TLK2: variants seen among roughly 807,000 people sequenced by gnomAD.
TLK2 encodes the protein tousled like kinase 2.
TLK2 carries 6 observed loss-of-function variants against 117.3 expected under a neutral mutation model. The ratio of observed to expected loss-of-function variants is 0.05; its 90% CI spans 0.03 to 0.10. The LOEUF (loss-of-function observed/expected upper bound fraction) is 0.10, where lower values mean the gene tolerates loss of function less well. Ranked by LOEUF, TLK2 falls within the 10% of genes least tolerant of loss-of-function variation. TLK2 has a pLI of 1.00. For synonymous variants in TLK2, 257 were observed against 316.7 expected (o/e 0.81, Z 2.00); for missense variants, 299 against 901.2 (o/e 0.33, Z 8.56).
chr17:62,521,764 C>T (rs920640355), intron 3 of TLK2, among the ~76,000 whole-genome samples: 1 of 152,018 alleles, frequency 6.6e-6, no homozygotes, highest in Non-Finnish European at 1.5e-5. Context: ...TATAACCTAG[C>T]TGCCTGTAGA....
chr17:62,565,337 A>G (rs796713061), intron 11 of TLK2, among the ~76,000 whole-genome samples, 200 bp downstream of exon 11: 21 of 152,344 alleles, frequency 1.4e-4, no homozygotes, highest in African/African-American at 5.0e-4. Context: ...CAGGAGTACA[A>G]AATGAGTTCC....
chr17:62,607,257 C>G (rs1229124759), intron 20 of TLK2, among the ~76,000 whole-genome samples: 1 of 150,614 alleles, frequency 6.6e-6, no homozygotes, highest in African/African-American at 2.4e-5. Context: ...TGGTGGCTCA[C>G]ACCTGTAATC....
At chr17:62,515,072 ACT>A (rs2075466883) in intron 2 of TLK2, among the ~76,000 whole-genome samples, 1 of 152,042 alleles carries the variant, frequency 6.6e-6, no homozygotes, top group South Asian at 2.1e-4. Context: ...CTACTTTCTG[ACT>A]CTATGAATTT....
intron 15 of TLK2, among the ~76,000 whole-genome samples, chr17:62,584,817 A>T (rs1403898359): frequency 2.0e-5 from 3 of 152,168 alleles, no homozygotes; most frequent in Non-Finnish European, 2.9e-5. Flanking sequence ...ATCCAGAGAA[A>T]CTTAGGTTTA....
At chr17:62,611,825 CCA>C (rs1285144634) in intron 21 of TLK2, 2 of 152,240 alleles carry the variant, frequency 1.3e-5, no homozygotes, top group African/African-American at 4.8e-5. Context: ...GTGTGCAACC[CCA>C]CTCACTGCAT....
intron 9 of TLK2, among the ~76,000 whole-genome samples, chr17:62,558,270 A>G (rs1280135478): frequency 6.6e-6 from 1 of 152,048 alleles, no homozygotes. Context: ...CCCAGGCTCA[A>G]GCAATCCTCA....
At chr17:62,486,022 G>A (rs1306339638) in intron 2 of TLK2, among the ~76,000 whole-genome samples, 3 of 151,692 alleles carry the variant, frequency 2.0e-5, no homozygotes, top group African/African-American at 4.8e-5. Context: ...GGGTTTCACC[G>A]TGTTAGCCAG....
intron 2 of TLK2, among the ~76,000 whole-genome samples, chr17:62,488,820 A>ATTTTT (rs36026309): frequency 1.1e-4 from 11 of 99,766 alleles, no homozygotes; most frequent in African/African-American, 2.8e-4. Flanking sequence ...GGCCTTGAAG[A>ATTTTT]TTTTTTTTTT....
At chr17:62,583,535 T>C (rs2081366957) in intron 15 of TLK2, among the ~76,000 whole-genome samples, 1 of 152,162 alleles carries the variant, frequency 6.6e-6, no homozygotes, top group African/African-American at 2.4e-5. Context: ...TTTTAGTAAT[T>C]TGATCATCCT....
intron 2 of TLK2, chr17:62,516,672 G>A: frequency 5.0e-6 from 8 of 1,609,682 alleles, no homozygotes; most frequent in Non-Finnish European, 6.8e-6. Flanking sequence ...CCAGCTCCGG[G>A]TGCTTAGGCA....
intron 2 of TLK2, among the ~76,000 whole-genome samples, chr17:62,512,700 C>T (rs1318655133): frequency 6.6e-6 from 1 of 151,884 alleles, no homozygotes; most frequent in Non-Finnish European, 1.5e-5. Flanking sequence ...TTCCATTTAT[C>T]AGTGTTTCCT....
At chr17:62,572,195 G>A (rs2080359596) in intron 11 of TLK2, among the ~76,000 whole-genome samples, 2 of 147,660 alleles carry the variant, frequency 1.4e-5, no homozygotes, top group African/African-American at 2.5e-5. Context: ...AAAAAAAAAA[G>A]ATTTATTATT....
intron 2 of TLK2, among the ~76,000 whole-genome samples, chr17:62,505,504 T>C (rs2074608220): frequency 7.0e-6 from 1 of 143,154 alleles, no homozygotes; most frequent in African/African-American, 2.5e-5. Flanking sequence ...CCTCCCGCCT[T>C]AGACTCCCAA....
intron 16 of TLK2, 151 bp downstream of exon 16, chr17:62,586,377 G>A: frequency 3.2e-6 from 2 of 616,646 alleles, no homozygotes; most frequent in South Asian, 2.2e-5. Context: ...TCAGTGTTAC[G>A]ACGAGGAAAC....
chr17:62,607,494 A>C (rs1046409484), intron 20 of TLK2, among the ~76,000 whole-genome samples: 3 of 151,538 alleles, frequency 2.0e-5, no homozygotes, highest in Non-Finnish European at 2.9e-5. Flanking sequence ...ATGCCACTGT[A>C]CTCCAGTCTG....
At chr17:62,497,522 G>C (rs1162362135) in intron 2 of TLK2, among the ~76,000 whole-genome samples, 1 of 152,022 alleles carries the variant, frequency 6.6e-6, no homozygotes, top group Non-Finnish European at 1.5e-5. Context: ...GTTTTAAAAG[G>C]CTTTTTCCCC....
At chr17:62,546,643 C>T (rs545527308) in intron 7 of TLK2, among the ~76,000 whole-genome samples, 2 of 150,476 alleles carry the variant, frequency 1.3e-5, no homozygotes, top group African/African-American at 4.9e-5. Flanking sequence ...GCAACCTCTG[C>T]CACCCAGGTT....
At chr17:62,549,293 GGA>G (rs2078200149) in intron 7 of TLK2, among the ~76,000 whole-genome samples, 1 of 145,846 alleles carries the variant, frequency 6.9e-6, no homozygotes, top group South Asian at 2.2e-4. Context: ...CAGCTACTCG[GGA>G]GGCTGAGTCA....
chr17:62,573,515 T>A (rs2080486657), intron 12 of TLK2, 148 bp downstream of exon 12: 4 of 1,098,682 alleles, frequency 3.6e-6, no homozygotes, highest in Non-Finnish European at 5.1e-6. Context: ...GCTCAACTCA[T>A]ATAAATGCCA....
Sources: allele counts gnomAD v4.1 joint callset (sites outside exome capture counted in the v4.1 genomes callset), GRCh38; gene constraint gnomAD v4.1.1; transcripts MANE v1.5; gene names NCBI Gene and HGNC (gene_info 2026-07-23, HGNC 2026-07-21).